The following DEUP1 variants were observed in gnomAD, a reference collection of about 807,000 sequenced individuals.
DEUP1 encodes coiled-coil domain containing 67.
Under a neutral mutation model 87.4 loss-of-function variants are expected in DEUP1, and 82 were observed. That is an observed-to-expected ratio of 0.94 (90% CI 0.78 to 1.13). The LOEUF (loss-of-function observed/expected upper bound fraction) is 1.13. Among genes scored for constraint, DEUP1 ranks in the 50% most tolerant of loss-of-function variants. The probability of loss-of-function intolerance (pLI) is 0.00; values close to 1 mark genes in which losing one functional copy is unlikely to be tolerated. For synonymous variants in DEUP1, 214 were observed against 222.7 expected, an observed-to-expected ratio of 0.96 and a Z score of 0.35; for missense variants, 663 against 681.5, an observed-to-expected ratio of 0.97 and a Z score of 0.30.
intron 2 of DEUP1, among the ~76,000 whole-genome samples, chr11:93,346,989 C>G (rs183957166): frequency 6.6e-6 from 1 of 152,168 alleles, no homozygotes. Flanking sequence ...CATCTGCAAA[C>G]AAGGATAGTT....
At chr11:93,377,259 G>T (rs908987099) in intron 7 of DEUP1, among the ~76,000 whole-genome samples, 33 of 152,168 alleles carry the variant, frequency 2.2e-4, no homozygotes, top group African/African-American at 7.7e-4. Flanking sequence ...TCATTTCTTA[G>T]GTCTAGTGGT....
chr11:93,381,812 C>T (rs1946316402), intron 7 of DEUP1, among the ~76,000 whole-genome samples: 1 of 151,922 alleles, frequency 6.6e-6, no homozygotes, highest in African/African-American at 2.4e-5. Flanking sequence ...ATGAGTGAAA[C>T]TAACATATCA....
At position 93,364,226 on chromosome 11, in the gene DEUP1, C is replaced by T. The variant is rs566601356; in HGVS notation, c.364C>T (p.Arg122Ter). 5.6e-5 allele frequency: 90 copies of T among 1,608,520 alleles called. 1 individual carries two copies. In the South Asian group the frequency reaches 8.7e-4, roughly 16 times the overall value. ...TCAGATGAAACAAAACAAAGTTCCA[C>T]GAAAAGAATTACCACACCTTAAAGA... ...LHQMKQNKVP[R>*]KELPHLKEEI... Residue 122 changes from arginine to a stop codon, truncating the protein, a stop_gained, in exon 5 of 14, where the codon CGA becomes TGA. Transcript: ENST00000298050. LOFTEE classifies it high-confidence loss of function.
intron 11 of DEUP1, among the ~76,000 whole-genome samples, chr11:93,405,636 A>G (rs1206104806): frequency 6.6e-6 from 1 of 152,020 alleles, no homozygotes; most frequent in African/African-American, 2.4e-5. Context: ...TGAAGCAAAA[A>G]ATGAAATATG....
chr11:93,359,363 TCTAA>T (rs1945054268), intron 4 of DEUP1, among the ~76,000 whole-genome samples: 1 of 152,222 alleles, frequency 6.6e-6, no homozygotes, highest in Non-Finnish European at 1.5e-5. Context: ...TTTTTTTCCT[TCTAA>T]CTATTATAAA....
intron 11 of DEUP1, among the ~76,000 whole-genome samples, chr11:93,405,458 C>T (rs1474157591): frequency 6.6e-6 from 1 of 151,860 alleles, no homozygotes; most frequent in Admixed American, 6.6e-5. Flanking sequence ...TTTCAAAGAG[C>T]ACCTTGGTCA....
chr11:93,369,402 A>C (rs892852239), intron 5 of DEUP1, among the ~76,000 whole-genome samples: 5 of 152,122 alleles, frequency 3.3e-5, no homozygotes, highest in Non-Finnish European at 7.4e-5. Context: ...GAGTGAATGA[A>C]GGAAAAAATA....
At chr11:93,407,325 G>A (rs1390632686) in intron 11 of DEUP1, among the ~76,000 whole-genome samples, 1 of 152,092 alleles carries the variant, frequency 6.6e-6, no homozygotes, top group East Asian at 1.9e-4. Flanking sequence ...TTGTAGCCTA[G>A]AAACAATAGG....
At chr11:93,436,367 T>A (rs1184658867) in intron 13 of DEUP1, among the ~76,000 whole-genome samples, 2 of 152,238 alleles carry the variant, frequency 1.3e-5, no homozygotes, top group African/African-American at 4.8e-5. Flanking sequence ...AACATAACTT[T>A]GGGGCAAAAC....
At chr11:93,350,458 A>T (rs1300504687) in intron 2 of DEUP1, among the ~76,000 whole-genome samples, 6 of 152,242 alleles carry the variant, frequency 3.9e-5, no homozygotes. Flanking sequence ...CTACAATCTC[A>T]GACAGTAGTT....
rs1203836333 is a variant in DEUP1, at chr11:93,385,875, A to C, written c.935+332A>C. On this transcript the variant is annotated intron_variant, in intron 8 of 13. Transcript: ENST00000298050. ...AAGACAAGCCTTAGGCAACATAGTG[A>C]GACCCTGACTCTTCAAAAAAATTTT... Among the ~76,000 whole-genome samples the C allele has an allele frequency of 2.0e-5, 3 of 152,100 alleles. No homozygotes were observed. The South Asian group carries it at 6.2e-4, about 32-fold the overall frequency.
intron 6 of DEUP1, 37 bp from the exon 7 acceptor site, chr11:93,371,001 T>C: frequency 6.4e-7 from 1 of 1,559,982 alleles, no homozygotes; most frequent in Non-Finnish European, 8.7e-7. Flanking sequence ...AAATATGACA[T>C]TCTTCATTTG....
chr11:93,408,888 G>A (rs960951855), intron 12 of DEUP1, among the ~76,000 whole-genome samples: 5 of 151,814 alleles, frequency 3.3e-5, no homozygotes, highest in African/African-American at 9.7e-5. Context: ...ATGGAGTCTC[G>A]CTCTGTCGCC....
chr11:93,339,728 G>A (rs1943960898), intron 2 of DEUP1, among the ~76,000 whole-genome samples: 3 of 152,154 alleles, frequency 2.0e-5, no homozygotes, highest in African/African-American at 7.2e-5. Flanking sequence ...CTTACACAGT[G>A]TCGGAGGAGG....
intron 8 of DEUP1, among the ~76,000 whole-genome samples, chr11:93,387,956 A>T (rs1019982554): frequency 2.7e-4 from 41 of 152,250 alleles, no homozygotes; most frequent in Non-Finnish European, 5.3e-4. Flanking sequence ...ACCGCACATA[A>T]AAATGCTAAT....
At chr11:93,397,630 C>T (rs1946980858) in intron 11 of DEUP1, among the ~76,000 whole-genome samples, 1 of 152,040 alleles carries the variant, frequency 6.6e-6, no homozygotes, top group Non-Finnish European at 1.5e-5. Flanking sequence ...TAAGAAATAG[C>T]AGACACAGAG....
intron 9 of DEUP1, among the ~76,000 whole-genome samples, chr11:93,391,563 C>A (rs1946765438): frequency 4.6e-5 from 7 of 151,854 alleles, no homozygotes. Flanking sequence ...CAAAAATTAG[C>A]CAGGCATGGT....
At chr11:93,409,702 T>C (rs1372728731) in intron 12 of DEUP1, among the ~76,000 whole-genome samples, 2 of 152,178 alleles carry the variant, frequency 1.3e-5, no homozygotes, top group African/African-American at 2.4e-5. Context: ...AGAAATAATA[T>C]TCACAGCCCT....
At chr11:93,374,902 T>A in intron 7 of DEUP1, among the ~76,000 whole-genome samples, 1 of 152,120 alleles carries the variant, frequency 6.6e-6, no homozygotes, top group Non-Finnish European at 1.5e-5. Context: ...ATTCTACCCA[T>A]CCATGAGCAT....
Sources: allele counts gnomAD v4.1 joint callset (sites outside exome capture counted in the v4.1 genomes callset), GRCh38; gene constraint gnomAD v4.1.1; transcripts MANE v1.5; gene names NCBI Gene and HGNC (gene_info 2026-07-23, HGNC 2026-07-21).